Variants in KIAA0825 observed in about 807,000 individuals in gnomAD.
KIAA0825 encodes uncharacterized protein KIAA0825.
KIAA0825 carries 119 observed loss-of-function variants against 147.6 expected under a neutral mutation model. The ratio of observed to expected loss-of-function variants is 0.81; its 90% confidence interval spans 0.69 to 0.94. The LOEUF (loss-of-function observed/expected upper bound fraction) is 0.94, where lower values mean the gene tolerates loss of function less well. Among genes scored for constraint, KIAA0825 ranks in the 40% least tolerant of loss-of-function variants. The pLI is 0.00. For synonymous variants in KIAA0825, 470 were observed against 518.1 expected (o/e 0.91, Z 1.26); for missense variants, 1,381 against 1,472.7 (o/e 0.94, Z 1.02).
intron 20 of KIAA0825, among the ~76,000 whole-genome samples, chr5:94,257,834 TAA>T (rs1296749525): frequency 1.3e-5 from 2 of 152,070 alleles, no homozygotes; most frequent in Non-Finnish European, 2.9e-5. Flanking sequence ...CAGTATTATA[TAA>T]GTCTTTCCAA....
At chr5:94,515,722 G>A (rs1767122186) in intron 5 of KIAA0825, among the ~76,000 whole-genome samples, 1 of 151,006 alleles carries the variant, frequency 6.6e-6, no homozygotes, top group Non-Finnish European at 1.5e-5. Flanking sequence ...AACCCAGGAG[G>A]TGGAGGTTGC....
intron 15 of KIAA0825, among the ~76,000 whole-genome samples, chr5:94,412,585 G>A (rs181858481): frequency 2.2e-4 from 33 of 152,050 alleles, no homozygotes; most frequent in African/African-American, 8.0e-4. Context: ...ATTTTTAGTA[G>A]AGACGGGGTT....
At chr5:94,364,676 G>T (rs1424330742) in intron 20 of KIAA0825, among the ~76,000 whole-genome samples, 1 of 152,058 alleles carries the variant, frequency 6.6e-6, no homozygotes, top group Non-Finnish European at 1.5e-5. Flanking sequence ...CTCCAACTCT[G>T]GTTGTGTCAG....
Position 94,417,498 on chromosome 5 carries a change from T to A in KIAA0825, c.2498-133A>T. 6.1e-6 allele frequency: 4 copies of A among 657,062 alleles called. No homozygotes were observed. The South Asian group carries it at 9.6e-5, about 16-fold the overall frequency. The allele number at this position is 657,062 out of a possible 1,614,324, so 40.7% of individuals were successfully genotyped here. On this transcript the variant is annotated intron_variant, in intron 14 of 20. Coordinates refer to ENST00000682413, the MANE Select transcript of KIAA0825 (RefSeq NM_001145678.3). Reference sequence around the variant, plus strand: ...TAATAAGATTTACATAAAAAGAGAATTACCAGATTATTTCAAAACAATGGT... The same window carrying A: ...TAATAAGATTTACATAAAAAGAGAAATACCAGATTATTTCAAAACAATGGT...
rs1389236040 is a variant in KIAA0825, at chr5:94,151,082, T to G, written c.*2925A>C. ...TTCCTGTTGTTAACTCACACAAATG[T>G]GAGAAACAAAAACTGCTTTGAAATA... On this transcript the variant is annotated 3_prime_UTR_variant, in exon 21 of 21. Coordinates refer to ENST00000682413, the MANE Select transcript of KIAA0825 (RefSeq NM_001145678.3). Among the ~76,000 whole-genome samples, 2 of 152,098 alleles carry G rather than the reference T, an allele frequency of 1.3e-5. No homozygotes were observed. Among genetic ancestry groups the G allele is most frequent in the Non-Finnish European group, 2.9e-5 (2 of 68,016 alleles).
At chr5:94,374,838 C>T (rs1414727266) in intron 20 of KIAA0825, among the ~76,000 whole-genome samples, 1 of 152,140 alleles carries the variant, frequency 6.6e-6, no homozygotes, top group Non-Finnish European at 1.5e-5. Context: ...CTTAATCCTT[C>T]ATGTGCATCT....
At chr5:94,528,840 A>G (rs1769919165) in intron 3 of KIAA0825, among the ~76,000 whole-genome samples, 1 of 151,664 alleles carries the variant, frequency 6.6e-6, no homozygotes, top group African/African-American at 2.4e-5. Context: ...AGCACAATTT[A>G]ATGAAGTCAG....
intron 14 of KIAA0825, among the ~76,000 whole-genome samples, chr5:94,420,933 T>C (rs537674237): frequency 3.0e-4 from 24 of 80,268 alleles, no homozygotes; most frequent in African/African-American, 1.1e-3. Context: ...AGTTCAAAGA[T>C]TTTTTTCTCT....
chr5:94,251,827 G>A (rs115059043), intron 20 of KIAA0825, among the ~76,000 whole-genome samples: 1 of 151,898 alleles, frequency 6.6e-6, no homozygotes, highest in Non-Finnish European at 1.5e-5. Context: ...AGGCCAACTC[G>A]ACATTTCATG....
intron 1 of KIAA0825, among the ~76,000 whole-genome samples, chr5:94,598,663 A>C (rs1785747052): frequency 6.6e-6 from 1 of 152,128 alleles, no homozygotes; most frequent in African/African-American, 2.4e-5. Flanking sequence ...TATTTTTATA[A>C]AACTGGTAGG....
intron 20 of KIAA0825, among the ~76,000 whole-genome samples, chr5:94,263,807 A>G (rs111731441): frequency 6.6e-4 from 100 of 152,126 alleles, no homozygotes; most frequent in Non-Finnish European, 1.2e-3. Context: ...TTTTGTAACT[A>G]CTGTTTTCCA....
intron 20 of KIAA0825, among the ~76,000 whole-genome samples, chr5:94,250,343 T>C (rs901511507): frequency 1.1e-4 from 16 of 152,128 alleles, no homozygotes; most frequent in Admixed American, 5.9e-4. Flanking sequence ...TAAGAAAATA[T>C]GGTAAATGTT....
intron 20 of KIAA0825, among the ~76,000 whole-genome samples, chr5:94,236,841 T>C (rs1441577396): frequency 6.6e-6 from 1 of 152,240 alleles, no homozygotes; most frequent in African/African-American, 2.4e-5. Flanking sequence ...TTTAAAGCAA[T>C]GAATTATTTT....
chr5:94,581,490 C>T (rs974684128), intron 2 of KIAA0825, among the ~76,000 whole-genome samples: 2 of 152,200 alleles, frequency 1.3e-5, no homozygotes, highest in South Asian at 4.1e-4. Flanking sequence ...AAGGTTGTGA[C>T]ACCAACCAAA....
intron 20 of KIAA0825, among the ~76,000 whole-genome samples, chr5:94,157,742 A>T (rs1397298457): frequency 6.6e-6 from 1 of 152,236 alleles, no homozygotes; most frequent in African/African-American, 2.4e-5. Flanking sequence ...GTCACAGATC[A>T]GTGAATAACT....
At chr5:94,301,628 C>A (rs11743755) in intron 20 of KIAA0825, among the ~76,000 whole-genome samples, 57,453 of 151,714 alleles carry the variant, frequency 0.38, 11,132 homozygotes, top group African/African-American at 0.39. Context: ...AAGTACTTAA[C>A]GTATTCAGAG....
At chr5:94,472,935 T>C (rs1350680537) in intron 8 of KIAA0825, among the ~76,000 whole-genome samples, 1 of 152,188 alleles carries the variant, frequency 6.6e-6, no homozygotes, top group Non-Finnish European at 1.5e-5. Flanking sequence ...AAGATTTTTT[T>C]AAGTGCCCAA....
At chr5:94,278,180 G>A (rs1777302625) in intron 20 of KIAA0825, among the ~76,000 whole-genome samples, 1 of 152,080 alleles carries the variant, frequency 6.6e-6, no homozygotes, top group Admixed American at 6.6e-5. Context: ...TTAAAAGCTA[G>A]ATGATGGGTT....
intron 20 of KIAA0825, among the ~76,000 whole-genome samples, chr5:94,186,232 G>T (rs996095337): frequency 2.6e-5 from 4 of 152,148 alleles, no homozygotes; most frequent in African/African-American, 7.2e-5. Flanking sequence ...TTAAGGAATT[G>T]TGAGTATTTT....
Sources: allele counts gnomAD v4.1 joint callset (sites outside exome capture counted in the v4.1 genomes callset), GRCh38; gene constraint gnomAD v4.1.1; transcripts MANE v1.5; gene names NCBI Gene and HGNC (gene_info 2026-07-23, HGNC 2026-07-21).